The following ENTPD7 variants were observed in gnomAD, a reference collection of about 807,000 sequenced individuals.
The protein encoded by ENTPD7 is ectonucleoside triphosphate diphosphohydrolase 7, also known as NTPDase 7.
A neutral mutation model predicts 77.9 loss-of-function variants in ENTPD7; 53 were observed. That is an observed-to-expected ratio of 0.68 (90% confidence interval 0.55 to 0.85). ENTPD7 has a LOEUF of 0.85. Ranked by LOEUF, ENTPD7 falls within the 40% of genes least tolerant of loss-of-function variation. ENTPD7 has a pLI of 0.00. For synonymous variants in ENTPD7, 248 were observed against 274.9 expected (o/e 0.90, Z 0.97); for missense variants, 636 against 743.7 (o/e 0.86, Z 1.68).
intron 3 of ENTPD7, among the ~76,000 whole-genome samples, chr10:99,663,197 CT>C (rs1377123130): frequency 3.9e-5 from 6 of 152,162 alleles, no homozygotes; most frequent in Admixed American, 1.3e-4. Flanking sequence ...GAAAAAGTCC[CT>C]ATTTTGCTTT....
chr10:99,673,004 T>C (rs976380361), intron 3 of ENTPD7, among the ~76,000 whole-genome samples: 11 of 152,246 alleles, frequency 7.2e-5, no homozygotes, highest in African/African-American at 2.7e-4. Context: ...AAAGCCATTG[T>C]CTTCCAATTC....
In ENTPD7 at chr10:99,706,485, G is replaced by A. The variant is rs1252549541; in HGVS notation, c.*1802G>A. ...AGAGTAGCTGGGACTACAGGTGTGC[G>A]CCACCACACTCAGCTAATTTTTTAT... On this transcript the variant is annotated 3_prime_UTR_variant, in exon 13 of 13. Transcript: ENST00000370489. Among the ~76,000 whole-genome samples, 1 of 147,322 alleles carries A rather than the reference G, an allele frequency of 6.8e-6. No homozygotes were observed. The highest frequency in any genetic ancestry group is 2.5e-5 in the African/African-American group (1 of 39,882).
chr10:99,691,161 A>G (rs534399682), intron 7 of ENTPD7, among the ~76,000 whole-genome samples: 3 of 151,842 alleles, frequency 2.0e-5, no homozygotes, highest in Non-Finnish European at 4.4e-5. Context: ...TAATTAAAAA[A>G]AATTTTTTTT....
chr10:99,696,759 A>G (rs1237954564), intron 9 of ENTPD7, among the ~76,000 whole-genome samples: 1 of 152,192 alleles, frequency 6.6e-6, no homozygotes, highest in Non-Finnish European at 1.5e-5. Flanking sequence ...ATCATTAAGC[A>G]CACTGAAGGA....
At position 99,661,507 on chromosome 10, in the gene ENTPD7, T is replaced by C; in HGVS notation, c.70T>C (p.Phe24Leu). The change falls in exon 3 of 13, where the codon TTT becomes CTT. Residue 24 changes from phenylalanine to leucine, a missense_variant. By Grantham distance (22) the Phe-to-Leu change is conservative. Around this residue, in one of 3 missense-constraint regions of ENTPD7, gnomAD observed 486 missense variants for 556.5 expected, o/e 0.87. Transcript: ENST00000370489. ...WYFTVPTVSP[F>L]LRQRVAFLGL... ...CTTCACTGTGCCCACAGTGAGTCCA[T>C]TTCTCCGTCAGCGGGTGGCATTCCT... The C allele has an allele frequency of 6.2e-7, 1 of 1,614,024 alleles. No homozygotes were observed. The highest frequency in any genetic ancestry group is 1.1e-5 in the South Asian group (1 of 91,024).
intron 5 of ENTPD7, among the ~76,000 whole-genome samples, chr10:99,685,302 C>G (rs2035797920): frequency 6.6e-6 from 1 of 152,200 alleles, no homozygotes; most frequent in Non-Finnish European, 1.5e-5. Context: ...TACATTAAAA[C>G]TTGTGGAACC....
chr10:99,691,652 G>T, intron 8 of ENTPD7, 134 bp downstream of exon 8: 1 of 924,004 alleles, frequency 1.1e-6, no homozygotes, highest in East Asian at 2.6e-5. Context: ...GCGTTATCTT[G>T]AGTAGGTTAC....
At chr10:99,702,005 C>T (rs541808710) in intron 11 of ENTPD7, among the ~76,000 whole-genome samples, 4 of 151,794 alleles carry the variant, frequency 2.6e-5, no homozygotes, top group East Asian at 3.9e-4. Context: ...GCTGAGATCG[C>T]GCCACTGCAC....
At chr10:99,691,161 A>T (rs534399682) in intron 7 of ENTPD7, among the ~76,000 whole-genome samples, 2 of 151,842 alleles carry the variant, frequency 1.3e-5, no homozygotes, top group Non-Finnish European at 2.9e-5. Flanking sequence ...TAATTAAAAA[A>T]AATTTTTTTT....
intron 8 of ENTPD7, among the ~76,000 whole-genome samples, chr10:99,695,118 T>C (rs1035219862): frequency 2.0e-5 from 3 of 152,184 alleles, no homozygotes; most frequent in African/African-American, 4.8e-5. Context: ...GCCTCTGCCC[T>C]TGAGGTTCAA....
chr10:99,660,857 G>A (rs1474009944), intron 2 of ENTPD7, among the ~76,000 whole-genome samples: 1 of 151,968 alleles, frequency 6.6e-6, no homozygotes, highest in African/African-American at 2.4e-5. Context: ...AGGAGGTGGA[G>A]GTTGCAGTGA....
At chr10:99,688,100 C>T (rs1419525629) in intron 6 of ENTPD7, among the ~76,000 whole-genome samples, 1 of 152,138 alleles carries the variant, frequency 6.6e-6, no homozygotes, top group Non-Finnish European at 1.5e-5. Context: ...TTTCTCTGAA[C>T]TTTTGGCATT....
Position 99,708,510 on chromosome 10 carries a change from G to A in ENTPD7, c.*3827G>A, listed in dbSNP as rs1029165345. Among the ~76,000 whole-genome samples the A allele has an allele frequency of 1.4e-4, 21 of 152,078 alleles. No individual in the cohort carries two copies. Among genetic ancestry groups the A allele is most frequent in the East Asian group, 1.4e-3 (7 of 5,184 alleles). On this transcript the variant is annotated 3_prime_UTR_variant, in exon 13 of 13. Coordinates refer to ENST00000370489, the MANE Select transcript of ENTPD7 (RefSeq NM_020354.5). ...GCCAGTCACTTACCATCTCTGGTTC[G>A]GTTCTCATCTATCAAACAAAGAGGC...
In ENTPD7 at chr10:99,706,165, G is replaced by C. The variant is rs2036248378; in HGVS notation, c.*1482G>C. The C allele has an allele frequency of 6.6e-6, 1 of 152,044 alleles. No homozygotes were observed. Among genetic ancestry groups the C allele is most frequent in the South Asian group, 2.1e-4 (1 of 4,824 alleles). 9.4% of individuals were successfully genotyped at this position (152,044 alleles called of 1,614,324 possible). A position where few individuals can be genotyped will look rare whatever the true frequency, so the allele number is the denominator to read the frequency against. ...AAAAATAAATTTCATACTGGGAACAGAAAGGAACTAAATGCTTCATAAAAC... is the reference window on the plus strand; with the variant it reads ...AAAAATAAATTTCATACTGGGAACACAAAGGAACTAAATGCTTCATAAAAC... On this transcript the variant is annotated 3_prime_UTR_variant, in exon 13 of 13. Coordinates refer to ENST00000370489, the MANE Select transcript of ENTPD7 (RefSeq NM_020354.5).
intron 3 of ENTPD7, among the ~76,000 whole-genome samples, chr10:99,666,756 A>G (rs1425472689): frequency 1.3e-5 from 2 of 152,366 alleles, no homozygotes; most frequent in East Asian, 3.9e-4. Flanking sequence ...GTGCAAAACC[A>G]CCTAACAGAA....
At position 99,710,137 on chromosome 10, in the gene ENTPD7, T is replaced by C; in HGVS notation, c.*5454T>C. ...CACTTGTATACCCTCTGGTGGCCAC[T>C]CCTCCTTCTCCACTCCAAGGCAGCC... On this transcript the variant is annotated 3_prime_UTR_variant, in exon 13 of 13. Coordinates refer to ENST00000370489, the MANE Select transcript of ENTPD7 (RefSeq NM_020354.5). 14 of 985,392 alleles carry C rather than the reference T, an allele frequency of 1.4e-5. No homozygotes were observed. The highest frequency in any genetic ancestry group is 1.7e-5 in the Non-Finnish European group (14 of 829,916). The allele number at this position is 985,392 out of a possible 1,614,324, so 61.0% of individuals were successfully genotyped here.
rs369579489 is a variant in ENTPD7 at position 99,682,627 on chromosome 10, T to A, written c.548+2752T>A. ...CTGCTACCCTATCAAAACTGTTTCG[T>A]TTTGTTGTATTCCCTCCTTTCTGTT... is the stretch of plus-strand genomic sequence containing the variant. On this transcript the variant is annotated intron_variant, in intron 5 of 12. Coordinates refer to ENST00000370489, the MANE Select transcript of ENTPD7 (RefSeq NM_020354.5). Among the ~76,000 whole-genome samples the A allele has an allele frequency of 2.6e-5, 4 of 152,310 alleles. No individual in the cohort carries two copies. In the East Asian group the frequency reaches 7.7e-4, roughly 29 times the overall value.
chr10:99,695,657 C>T (rs535606430), intron 8 of ENTPD7, among the ~76,000 whole-genome samples: 1 of 152,174 alleles, frequency 6.6e-6, no homozygotes, highest in African/African-American at 2.4e-5. Context: ...TTGGAAAATA[C>T]AGAAAAATAC....
chr10:99,666,621 GATGGGTT>G (rs2133441510), intron 3 of ENTPD7, among the ~76,000 whole-genome samples: 1 of 152,310 alleles, frequency 6.6e-6, no homozygotes, highest in African/African-American at 2.4e-5. Flanking sequence ...CTTGACTTAT[GATGGGTT>G]ATGTAAATTG....
Sources: gnomAD v4.1 joint callset for allele counts (sites outside exome capture counted in the v4.1 genomes callset) on GRCh38, gnomAD v4.1.1 for gene constraint, gnomAD v4.1.1 regional missense constraint, MANE v1.5 for transcripts, NCBI Gene and HGNC (gene_info 2026-07-23, HGNC 2026-07-21) for gene names.